The following SH3BGR variants were observed in gnomAD, a reference collection of about 807,000 sequenced individuals.
SH3BGR encodes the protein SH3 domain-binding glutamic acid-rich protein.
Under a neutral mutation model 24.5 loss-of-function variants are expected in SH3BGR, and 29 were observed. The ratio of observed to expected loss-of-function variants is 1.18; its 90% CI spans 0.88 to 1.61. The LOEUF (loss-of-function observed/expected upper bound fraction) is 1.61, where lower values mean the gene tolerates loss of function less well. SH3BGR is among the 40% of genes most tolerant of loss of function. The probability of loss-of-function intolerance (pLI) is 0.00; values close to 1 mark genes in which losing one functional copy is unlikely to be tolerated. For missense variants in SH3BGR, 162 were observed against 205.8 expected, an observed-to-expected ratio of 0.79 and a Z score of 1.30; for synonymous variants, 55 against 65.7, an observed-to-expected ratio of 0.84 and a Z score of 0.79.
chr21:39,488,597 C>T (rs552624644), intron 3 of SH3BGR: 3 of 264,026 alleles, frequency 1.1e-5, no homozygotes, highest in Non-Finnish European at 2.3e-5. Context: ...AGGATTATGT[C>T]CGAGTCCAAG....
chr21:39,514,594 T>C (rs2078750877), intron 6 of SH3BGR, among the ~76,000 whole-genome samples: 1 of 152,152 alleles, frequency 6.6e-6, no homozygotes, highest in Admixed American at 6.5e-5. Flanking sequence ...ACTCTTAGGC[T>C]CAAGTGCTCT....
chr21:39,508,954 CTTGAA>C (rs138818478), intron 4 of SH3BGR, 39 bp from the exon 5 acceptor site: 768,889 of 1,514,164 alleles, frequency 0.51, 202,389 homozygotes, highest in East Asian at 0.65. Flanking sequence ...TTTAAACGTA[CTTGAA>C]TTATGTTTTT....
intron 2 of SH3BGR, among the ~76,000 whole-genome samples, chr21:39,463,587 C>T (rs946999224): frequency 8.5e-5 from 13 of 152,228 alleles, no homozygotes; most frequent in African/African-American, 2.9e-4. Context: ...TCTTGCTGCA[C>T]AGAACTGCTG....
chr21:39,487,368 C>T (rs966257321), intron 3 of SH3BGR, among the ~76,000 whole-genome samples: 3 of 152,074 alleles, frequency 2.0e-5, no homozygotes, highest in Non-Finnish European at 4.4e-5. Flanking sequence ...GACTTGAACT[C>T]CTGGGCTCAA....
At chr21:39,451,839 A>G (rs990898429), upstream of SH3BGR, 41 of 1,543,588 alleles carry the variant, frequency 2.7e-5, no homozygotes, top group Non-Finnish European at 3.4e-5. Flanking sequence ...GGCTGCTTTT[A>G]TCGACCAATC....
upstream of SH3BGR, among the ~76,000 whole-genome samples, chr21:39,448,111 G>A (rs189911749): frequency 1.3e-5 from 2 of 152,170 alleles, no homozygotes; most frequent in East Asian, 3.9e-4. Context: ...GTGTCTCCCT[G>A]TCTTGTCTTC....
At chr21:39,457,306 A>T (rs989779880) in intron 1 of SH3BGR, among the ~76,000 whole-genome samples, 1 of 143,376 alleles carries the variant, frequency 7.0e-6, no homozygotes, top group Non-Finnish European at 1.5e-5. Flanking sequence ...ATAGTTACAT[A>T]TATAAATCTT....
upstream of SH3BGR, among the ~76,000 whole-genome samples, chr21:39,449,104 C>A (rs555088667): frequency 6.6e-6 from 1 of 152,288 alleles, no homozygotes; most frequent in East Asian, 1.9e-4. Flanking sequence ...AACTCCACCC[C>A]AAGGTGAACA....
At chr21:39,454,207 G>A (rs2148446007) in intron 1 of SH3BGR, among the ~76,000 whole-genome samples, 1 of 152,316 alleles carries the variant, frequency 6.6e-6, no homozygotes, top group Non-Finnish European at 1.5e-5. Context: ...AAACCCTAGA[G>A]TGGCTTCTTG....
chr21:39,452,838 T>C (rs896824675), intron 1 of SH3BGR, among the ~76,000 whole-genome samples: 2 of 152,136 alleles, frequency 1.3e-5, no homozygotes, highest in Admixed American at 6.5e-5. Flanking sequence ...CCGTAAGAAA[T>C]AGGGGTGATG....
rs539435992 is a variant in SH3BGR, at chr21:39,482,960, C to T, written c.312+7745C>T. Among the ~76,000 whole-genome samples, 191 of 152,302 alleles carry T rather than the reference C, an allele frequency of 1.3e-3. 2 individuals are homozygous for T. Among genetic ancestry groups the T allele is most frequent in the South Asian group, 1.0e-2 (48 of 4,820 alleles). On this transcript the variant is annotated intron_variant, in intron 3 of 6. Coordinates refer to ENST00000333634, the MANE Select transcript of SH3BGR (RefSeq NM_007341.3). ...GCTGGATTACAGGCATGAGCCACTG[C>T]GCCTGGCCTGGAGCAATAAGGATTT...
At chr21:39,499,565 G>A (rs1050928203) in intron 3 of SH3BGR, among the ~76,000 whole-genome samples, 1 of 152,098 alleles carries the variant, frequency 6.6e-6, no homozygotes, top group Non-Finnish European at 1.5e-5. Flanking sequence ...GCCTGAAGTG[G>A]GTGAACTGAA....
upstream of SH3BGR, chr21:39,451,694 T>C: frequency 1.7e-6 from 1 of 592,216 alleles, no homozygotes. Context: ...TTTCGCCTCC[T>C]GCTGCTCTGT....
chr21:39,493,272 T>C (rs147954179), intron 3 of SH3BGR, among the ~76,000 whole-genome samples: 14 of 152,328 alleles, frequency 9.2e-5, no homozygotes, highest in African/African-American at 3.4e-4. Context: ...AAGTCCATGA[T>C]CCATCTTGAG....
intron 3 of SH3BGR, among the ~76,000 whole-genome samples, chr21:39,492,991 G>A (rs2078329948): frequency 6.6e-6 from 1 of 151,974 alleles, no homozygotes; most frequent in African/African-American, 2.4e-5. Flanking sequence ...TAATTTATTT[G>A]AGTTCATTGT....
intron 3 of SH3BGR, chr21:39,488,375 G>A (rs565319829): frequency 9.2e-5 from 21 of 227,174 alleles, no homozygotes; most frequent in African/African-American, 4.4e-4. Context: ...AGGCCTTCCA[G>A]CTGTTTGACT....
intron 4 of SH3BGR, among the ~76,000 whole-genome samples, chr21:39,502,625 C>T (rs1447175253): frequency 2.0e-5 from 3 of 152,240 alleles, no homozygotes; most frequent in Non-Finnish European, 4.4e-5. Flanking sequence ...CTGGCAGGAG[C>T]TTCCAGCTGG....
chr21:39,448,960 T>G (rs1440663690), upstream of SH3BGR, among the ~76,000 whole-genome samples: 1 of 149,302 alleles, frequency 6.7e-6, no homozygotes, highest in African/African-American at 2.5e-5. Flanking sequence ...CTTATAAACA[T>G]TCTTTATTGA....
intron 3 of SH3BGR, among the ~76,000 whole-genome samples, chr21:39,493,723 A>G (rs1359610450): frequency 6.6e-6 from 1 of 152,132 alleles, no homozygotes; most frequent in Non-Finnish European, 1.5e-5. Flanking sequence ...TCATTTTCAT[A>G]ATATTGATTC....
Sources: allele counts gnomAD v4.1 joint callset (sites outside exome capture counted in the v4.1 genomes callset), GRCh38; gene constraint gnomAD v4.1.1; transcripts MANE v1.5; gene names NCBI Gene and HGNC (gene_info 2026-07-23, HGNC 2026-07-21).